NPY2R: variants seen among roughly 807,000 people sequenced by gnomAD.
The protein encoded by NPY2R is neuropeptide Y receptor Y2.
A neutral mutation model predicts 22.3 loss-of-function variants in NPY2R; 17 were observed. That is an observed-to-expected ratio of 0.76 (90% CI 0.52 to 1.14). The LOEUF is 1.14. Ranked by LOEUF, NPY2R falls within the 50% of genes most tolerant of loss-of-function variation. NPY2R has a pLI of 0.00. For missense variants in NPY2R, 424 were observed against 467.9 expected (o/e 0.91, Z 0.87); for synonymous variants, 209 against 183.4 (o/e 1.14, Z -1.13).
upstream of NPY2R, chr4:155,206,901 A>G (rs1578896150): frequency 6.6e-6 from 1 of 152,344 alleles, no homozygotes; most frequent in East Asian, 1.9e-4. Context: ...TCACCAATGC[A>G]GATATATTGA....
At chr4:155,198,614 T>TAATATATTATATATTATATATA in the NPY2R span, among the ~76,000 whole-genome samples, 1 of 147,582 alleles carries the variant, frequency 6.8e-6, no homozygotes, top group Admixed American at 6.8e-5. Context: ...TTGATATATA[T>TAATATATTATATATTATATATA]TTTTTTTCTG....
the NPY2R span, among the ~76,000 whole-genome samples, chr4:155,178,632 T>C: frequency 2.6e-5 from 4 of 152,218 alleles, no homozygotes; most frequent in African/African-American, 9.7e-5. Context: ...TCTTTATCAT[T>C]TTACTATTTC....
chr4:155,186,128 G>T, the NPY2R span, among the ~76,000 whole-genome samples: 1 of 152,054 alleles, frequency 6.6e-6, no homozygotes, highest in Non-Finnish European at 1.5e-5. Context: ...GGGATCCAAA[G>T]ATTATTTATT....
At chr4:155,174,484 A>ATATTTTTTT in the NPY2R span, among the ~76,000 whole-genome samples, 11 of 106,072 alleles carry the variant, frequency 1.0e-4, no homozygotes, top group South Asian at 1.6e-3. Context: ...ATATATATAT[A>ATATTTTTTT]TTTTTTTTTT....
chr4:155,189,249 T>A, the NPY2R span, among the ~76,000 whole-genome samples: 1 of 152,034 alleles, frequency 6.6e-6, no homozygotes, highest in African/African-American at 2.4e-5. Flanking sequence ...GAGTACATCA[T>A]CTTCAATTAT....
At chr4:155,183,555 A>G in the NPY2R span, among the ~76,000 whole-genome samples, 1 of 152,194 alleles carries the variant, frequency 6.6e-6, no homozygotes, top group African/African-American at 2.4e-5. Context: ...GGCCAGAGGC[A>G]TGGATCTACA....
At chr4:155,200,946 A>G in the NPY2R span, among the ~76,000 whole-genome samples, 5 of 152,122 alleles carry the variant, frequency 3.3e-5, no homozygotes, top group African/African-American at 7.2e-5. Context: ...GGTGCAGCGA[A>G]TCACCATGGC....
rs1729496436 is a variant in NPY2R, at chr4:155,215,471, T to C, written c.*386T>C. 3.1e-6 allele frequency: 1 copy of C among 326,898 alleles called. No individual in the cohort carries two copies. Among genetic ancestry groups the C allele is most frequent in the South Asian group, 3.0e-5 (1 of 33,220 alleles). The allele number at this position is 326,898 out of a possible 1,614,324, so 20.2% of individuals were successfully genotyped here. A position where few individuals can be genotyped will look rare whatever the true frequency, so the allele number is the denominator to read the frequency against. ...CACGTTAGGACCTGGATTGAGGAGG[T>C]GTGCAGTTCGCTGCTCCCTGCTTGG... On this transcript the variant is annotated 3_prime_UTR_variant, in exon 2 of 2. Coordinates refer to ENST00000329476, the MANE Select transcript of NPY2R (RefSeq NM_000910.4).
At chr4:155,200,438 A>T in the NPY2R span, among the ~76,000 whole-genome samples, 1 of 152,324 alleles carries the variant, frequency 6.6e-6, no homozygotes, top group Non-Finnish European at 1.5e-5. Flanking sequence ...TGTGGAAGAC[A>T]GTGTGACGAT....
At chr4:155,176,853 G>A in the NPY2R span, among the ~76,000 whole-genome samples, 1 of 152,114 alleles carries the variant, frequency 6.6e-6, no homozygotes, top group Non-Finnish European at 1.5e-5. Context: ...CTTCCAGAGG[G>A]GTGAGCTGTA....
At chr4:155,187,848 G>T in the NPY2R span, among the ~76,000 whole-genome samples, 1 of 151,958 alleles carries the variant, frequency 6.6e-6, no homozygotes, top group South Asian at 2.1e-4. Context: ...GTTTAATGTC[G>T]TACAGAAAAA....
chr4:155,190,420 C>T, the NPY2R span, among the ~76,000 whole-genome samples: 1 of 151,890 alleles, frequency 6.6e-6, no homozygotes, highest in Non-Finnish European at 1.5e-5. Context: ...ATCAACCACT[C>T]AAAAGAAAAC....
chr4:155,205,173 C>T (rs749995864), upstream of NPY2R, among the ~76,000 whole-genome samples: 20 of 152,180 alleles, frequency 1.3e-4, no homozygotes, highest in South Asian at 2.1e-4. Context: ...ACTAGCCACA[C>T]GTCAAGTGCT....
At chr4:155,196,212 C>T in the NPY2R span, among the ~76,000 whole-genome samples, 2 of 151,592 alleles carry the variant, frequency 1.3e-5, no homozygotes, top group Non-Finnish European at 1.5e-5. Flanking sequence ...GACAGCTTCA[C>T]TTTTTCTGCT....
At chr4:155,185,030 C>CTATATATATA in the NPY2R span, among the ~76,000 whole-genome samples, 10 of 97,028 alleles carry the variant, frequency 1.0e-4, no homozygotes, top group African/African-American at 3.7e-4. Context: ...TTAGGTACAA[C>CTATATATATA]TATATATATA....
chr4:155,174,636 T>A, the NPY2R span, among the ~76,000 whole-genome samples: 1 of 151,764 alleles, frequency 6.6e-6, no homozygotes, highest in Non-Finnish European at 1.5e-5. Flanking sequence ...GAACTAAAAT[T>A]ATACATCCCC....
At chr4:155,175,190 C>A in the NPY2R span, among the ~76,000 whole-genome samples, 1 of 151,448 alleles carries the variant, frequency 6.6e-6, no homozygotes, top group African/African-American at 2.4e-5. Flanking sequence ...GTACCATTTG[C>A]AAAAAAACAA....
chr4:155,193,851 T>C, the NPY2R span, among the ~76,000 whole-genome samples: 2 of 151,884 alleles, frequency 1.3e-5, no homozygotes, highest in Non-Finnish European at 2.9e-5. Flanking sequence ...GAAACAAACA[T>C]GGAAACAAAC....
intron 1 of NPY2R, among the ~76,000 whole-genome samples, chr4:155,212,191 G>T (rs75151666): frequency 6.6e-6 from 1 of 152,082 alleles, no homozygotes; most frequent in South Asian, 2.1e-4. Context: ...TCATTGAAAG[G>T]TTCATAAAAA....
Sources: gnomAD v4.1 joint callset for allele counts (sites outside exome capture counted in the v4.1 genomes callset) on GRCh38, gnomAD v4.1.1 for gene constraint, MANE v1.5 for transcripts, NCBI Gene and HGNC (gene_info 2026-07-23, HGNC 2026-07-21) for gene names.